The following LRBA variants were observed in gnomAD, a reference collection of about 807,000 sequenced individuals.
LRBA encodes LPS responsive beige-like anchor protein.
In LRBA, 176 loss-of-function variants were observed where a neutral mutation model predicts 330.0. The observed-to-expected ratio is 0.53, with a 90% CI of 0.47 to 0.60. The LOEUF (loss-of-function observed/expected upper bound fraction) is 0.60. Ranked by LOEUF, LRBA falls within the 20% of genes least tolerant of loss-of-function variation. The probability of loss-of-function intolerance (pLI) is 0.00; values close to 1 mark genes in which losing one functional copy is unlikely to be tolerated. For synonymous variants in LRBA, 1,230 were observed against 1,193.0 expected, an observed-to-expected ratio of 1.03 and a Z score of -0.64; for missense variants, 3,259 against 3,444.8, an observed-to-expected ratio of 0.95 and a Z score of 1.35.
intron 40 of LRBA, among the ~76,000 whole-genome samples, chr4:150,564,062 GA>G (rs1253570000): frequency 6.6e-6 from 1 of 152,142 alleles, no homozygotes; most frequent in African/African-American, 2.4e-5. Context: ...AACCAAAAAA[GA>G]GCCCATATAG....
chr4:150,989,551 T>G (rs978668129), intron 2 of LRBA, among the ~76,000 whole-genome samples: 1 of 152,008 alleles, frequency 6.6e-6, no homozygotes, highest in African/African-American at 2.4e-5. Context: ...AGGCACAGGC[T>G]GCAGTGAGCC....
At chr4:150,339,276 G>A (rs1416065739) in intron 48 of LRBA, among the ~76,000 whole-genome samples, 5 of 152,128 alleles carry the variant, frequency 3.3e-5, no homozygotes, top group Non-Finnish European at 7.4e-5. Context: ...TAAAAGTTAA[G>A]AAATTGTAAA....
intron 33 of LRBA, among the ~76,000 whole-genome samples, chr4:150,805,506 A>AGG (rs1578840344): frequency 1.5e-5 from 2 of 130,478 alleles, no homozygotes; most frequent in East Asian, 2.4e-4. Flanking sequence ...AAGGAGGAGA[A>AGG]AGAGAAGGAA....
chr4:150,338,402 G>A (rs1448200386), intron 48 of LRBA, among the ~76,000 whole-genome samples: 6 of 152,148 alleles, frequency 3.9e-5, no homozygotes, highest in African/African-American at 1.4e-4. Flanking sequence ...TAGAGGAAAT[G>A]TACCAAGTAC....
At chr4:150,829,718 CT>C (rs1409031342) in intron 29 of LRBA, among the ~76,000 whole-genome samples, 2 of 152,134 alleles carry the variant, frequency 1.3e-5, no homozygotes, top group African/African-American at 4.8e-5. Flanking sequence ...CATTTAGTCC[CT>C]TCGTGGTATC....
intron 40 of LRBA, among the ~76,000 whole-genome samples, chr4:150,552,340 A>T (rs149937860): frequency 6.6e-6 from 1 of 152,118 alleles, no homozygotes; most frequent in South Asian, 2.1e-4. Flanking sequence ...ACAGGAGTGT[A>T]TCTTGTACAA....
intron 40 of LRBA, among the ~76,000 whole-genome samples, chr4:150,546,765 T>C (rs1765906537): frequency 1.3e-5 from 2 of 152,300 alleles, no homozygotes; most frequent in African/African-American, 2.4e-5. Flanking sequence ...TTCACAGACT[T>C]GGAAAAACTT....
intron 2 of LRBA, among the ~76,000 whole-genome samples, chr4:150,942,871 AT>A (rs558137926): frequency 1.5e-3 from 227 of 151,746 alleles, no homozygotes; most frequent in African/African-American, 3.9e-3. Context: ...TTTAAGTTAG[AT>A]TTTTTTTTCT....
intron 47 of LRBA, among the ~76,000 whole-genome samples, chr4:150,403,851 T>C (rs1427543247): frequency 6.6e-6 from 1 of 152,110 alleles, no homozygotes; most frequent in East Asian, 1.9e-4. Flanking sequence ...ACCAACATGG[T>C]GAAACCCGGT....
chr4:150,763,341 T>C (rs1329376692), intron 34 of LRBA, among the ~76,000 whole-genome samples: 1 of 151,954 alleles, frequency 6.6e-6, no homozygotes, highest in Non-Finnish European at 1.5e-5. Flanking sequence ...CTAGGTATAA[T>C]TTTTATTATT....
At chr4:150,592,144 GTTTTTTTTT>G (rs10685627) in intron 38 of LRBA, among the ~76,000 whole-genome samples, 23 of 65,190 alleles carry the variant, frequency 3.5e-4, no homozygotes, top group Middle Eastern at 0.019. Context: ...GATGGCTAGG[GTTTTTTTTT>G]TTTTTTTTTT....
chr4:150,994,409 G>A (rs1269991311), intron 2 of LRBA, among the ~76,000 whole-genome samples: 5 of 152,168 alleles, frequency 3.3e-5, no homozygotes, highest in Non-Finnish European at 7.3e-5. Context: ...GGAACCTAAA[G>A]CACTTAGCAC....
chr4:150,599,000 C>T lies in LRBA; in HGVS notation c.6046+7G>A. On this transcript the variant is annotated splice_region_variant and intron_variant, in intron 38 of 56. Coordinates refer to ENST00000651943, the MANE Select transcript of LRBA (RefSeq NM_001364905.1). ...TGCTATTGGCAAGGAATGGTTTATA[C>T]ACTGACCATGTTCCACGGCTGTTTT... The T allele has an allele frequency of 6.2e-7, 1 of 1,613,968 alleles. No homozygotes were observed. Among genetic ancestry groups the T allele is most frequent in the Admixed American group, 1.7e-5 (1 of 60,008 alleles).
intron 42 of LRBA, among the ~76,000 whole-genome samples, chr4:150,486,668 T>G (rs144809317): frequency 9.9e-5 from 15 of 151,906 alleles, no homozygotes; most frequent in African/African-American, 2.7e-4. Flanking sequence ...TGTAATCTAG[T>G]CTCCACAATT....
Position 150,520,613 on chromosome 4 carries a change from G to A in LRBA, c.6331-29578C>T, listed in dbSNP as rs374013938. Among the ~76,000 whole-genome samples the A allele has an allele frequency of 9.9e-5, 15 of 152,236 alleles. No individual in the cohort carries two copies. In the South Asian group the frequency reaches 1.9e-3, roughly 19 times the overall value. On this transcript the variant is annotated intron_variant, in intron 40 of 56. Coordinates refer to ENST00000651943, the MANE Select transcript of LRBA (RefSeq NM_001364905.1). ...ATGGAATACTATGCAGCCATAAGAAGAATGAGATCATATTCTTTGCAGCAA... is the reference window on the plus strand; with the variant it reads ...ATGGAATACTATGCAGCCATAAGAAAAATGAGATCATATTCTTTGCAGCAA...
chr4:150,856,636 T>C (rs1247284210), intron 22 of LRBA, among the ~76,000 whole-genome samples: 1 of 152,214 alleles, frequency 6.6e-6, no homozygotes, highest in African/African-American at 2.4e-5. Context: ...ATTTAATTCA[T>C]CCAATGGTCT....
chr4:150,490,708 CA>C (rs963254303), intron 41 of LRBA, among the ~76,000 whole-genome samples: 3 of 149,054 alleles, frequency 2.0e-5, no homozygotes, highest in South Asian at 2.1e-4. Context: ...TGTGATATGG[CA>C]AAAAAAAGAA....
At chr4:150,371,483 G>A (rs1740314396) in intron 47 of LRBA, among the ~76,000 whole-genome samples, 1 of 151,942 alleles carries the variant, frequency 6.6e-6, no homozygotes, top group South Asian at 2.1e-4. Flanking sequence ...AAGCCACCGC[G>A]CCTGGCCGCA....
At chr4:150,827,806 TG>T (rs1746493849) in intron 30 of LRBA, among the ~76,000 whole-genome samples, 1 of 152,046 alleles carries the variant, frequency 6.6e-6, no homozygotes, top group Admixed American at 6.6e-5. Context: ...TTCACCATGT[TG>T]GTCAGGCTGG....
Sources: allele counts gnomAD v4.1 joint callset (sites outside exome capture counted in the v4.1 genomes callset), GRCh38; gene constraint gnomAD v4.1.1; transcripts MANE v1.5; gene names NCBI Gene and HGNC (gene_info 2026-07-23, HGNC 2026-07-21).